The following NXPE2 variants were observed in gnomAD, a reference collection of about 807,000 sequenced individuals.
NXPE2 encodes neurexophilin and PC-esterase domain family member 2.
In NXPE2, 34 loss-of-function variants were observed where a neutral mutation model predicts 34.4. The ratio of observed to expected loss-of-function variants is 0.99; its 90% CI spans 0.75 to 1.31. The LOEUF (loss-of-function observed/expected upper bound fraction) is 1.31. Among genes scored for constraint, NXPE2 ranks in the 40% most tolerant of loss-of-function variants. The pLI is 0.00. For missense variants in NXPE2, 649 were observed against 672.5 expected, an observed-to-expected ratio of 0.97 and a Z score of 0.39; for synonymous variants, 235 against 231.3, an observed-to-expected ratio of 1.02 and a Z score of -0.15.
At chr11:114,635,141 G>A in the NXPE2 span, among the ~76,000 whole-genome samples, 9 of 150,708 alleles carry the variant, frequency 6.0e-5, no homozygotes, top group African/African-American at 2.2e-4. Context: ...TTATTTCCTT[G>A]AGCAGTGGTT....
intron 2 of NXPE2, among the ~76,000 whole-genome samples, chr11:114,685,766 A>G (rs1712819): frequency 1 from 152,090 of 152,274 alleles, 75,953 homozygotes; most frequent in Middle Eastern, 1. Flanking sequence ...TCCTCCTTCT[A>G]TGCCTAATTT....
At chr11:114,724,503 C>A in the NXPE2 span, among the ~76,000 whole-genome samples, 2 of 152,004 alleles carry the variant, frequency 1.3e-5, no homozygotes, top group Non-Finnish European at 2.9e-5. Context: ...ATTGTTTTTG[C>A]CATCTATTTT....
rs750739724 is a variant in NXPE2, at chr11:114,706,616, C to A, written c.1366C>A (p.Pro456Thr). 1.3e-5 allele frequency: 20 copies of A among 1,551,772 alleles called. No homozygotes were observed. In the South Asian group the frequency reaches 2.1e-4, roughly 17 times the overall value. The change falls in exon 6 of 6, where the codon CCC becomes ACC. Residue 456 changes from proline to threonine, a missense_variant. By Grantham distance (38) the Pro-to-Thr change is conservative. Coordinates refer to ENST00000389586, the MANE Select transcript of NXPE2 (RefSeq NM_182495.6). ...CATTACCCTCGGCCAACACTTCAGA[C>A]CCTTTCCCATCAACATTTTCATCCG... ...IVITLGQHFR[P>T]FPINIFIRRA...
the NXPE2 span, among the ~76,000 whole-genome samples, chr11:114,811,667 A>C: frequency 6.6e-6 from 1 of 152,162 alleles, no homozygotes; most frequent in African/African-American, 2.4e-5. Context: ...CAAACCCCAC[A>C]CTCAAGGGTG....
the NXPE2 span, among the ~76,000 whole-genome samples, chr11:114,652,896 T>A: frequency 6.6e-6 from 1 of 152,236 alleles, no homozygotes; most frequent in South Asian, 2.1e-4. Context: ...AATCACTTTT[T>A]CAAGTGAAGC....
At chr11:114,517,001 C>T in the NXPE2 span, among the ~76,000 whole-genome samples, 7 of 152,134 alleles carry the variant, frequency 4.6e-5, no homozygotes, top group Admixed American at 1.3e-4. Context: ...TCTATATCAT[C>T]GTTAATGAGG....
rs777387216 is a variant in NXPE2, at chr11:114,698,537, C to A, written c.625C>A (p.Gln209Lys). Residue 209 changes from glutamine (Q) to lysine (K), a missense_variant, in exon 3 of 6, where the codon CAA (glutamine) becomes AAA (lysine). By Grantham distance (53) the Gln-to-Lys change is moderately conservative. Coordinates refer to ENST00000389586, the MANE Select transcript of NXPE2 (RefSeq NM_182495.6). ...GVSALWRARN[Q>K]GCDRIIFTGL... Reference sequence around the variant, plus strand: ...ATCAGCTCTCTGGAGGGCAAGGAACCAAGGATGTGATAGGATCATCTTCAC... The same window carrying A: ...ATCAGCTCTCTGGAGGGCAAGGAACAAAGGATGTGATAGGATCATCTTCAC... 1.9e-6 allele frequency: 3 copies of A among 1,614,106 alleles called. No homozygotes were observed. The highest frequency in any genetic ancestry group is 2.5e-6 in the Non-Finnish European group (3 of 1,179,980).
chr11:114,484,022 A>C, the NXPE2 span, among the ~76,000 whole-genome samples: 1 of 152,092 alleles, frequency 6.6e-6, no homozygotes, highest in African/African-American at 2.4e-5. Context: ...CCTGTTTTCC[A>C]GTCAAGGGAA....
chr11:114,662,037 A>G, the NXPE2 span, among the ~76,000 whole-genome samples: 1 of 152,182 alleles, frequency 6.6e-6, no homozygotes, highest in East Asian at 1.9e-4. Context: ...CCCCGCAAGG[A>G]CACCAATTTA....
the NXPE2 span, among the ~76,000 whole-genome samples, chr11:114,588,696 A>G: frequency 2.0e-5 from 3 of 152,158 alleles, no homozygotes; most frequent in Admixed American, 1.3e-4. Context: ...TGGGGGGCCT[A>G]TGAAGAACTA....
the NXPE2 span, among the ~76,000 whole-genome samples, chr11:114,645,557 A>C: frequency 6.6e-6 from 1 of 152,200 alleles, no homozygotes; most frequent in Non-Finnish European, 1.5e-5. Flanking sequence ...TTTGAATTTC[A>C]GTGCAATAAA....
At chr11:114,600,753 C>A in the NXPE2 span, among the ~76,000 whole-genome samples, 1 of 151,846 alleles carries the variant, frequency 6.6e-6, no homozygotes, top group Non-Finnish European at 1.5e-5. Context: ...TACTAGTGTA[C>A]CAATGTTAAT....
At chr11:114,582,640 T>G in the NXPE2 span, 1 of 1,614,044 alleles carries the variant, frequency 6.2e-7, no homozygotes, top group Non-Finnish European at 8.5e-7. Flanking sequence ...TAGGTGCCGT[T>G]GTTGAAGTCA....
At chr11:114,613,265 C>T in the NXPE2 span, among the ~76,000 whole-genome samples, 3 of 151,936 alleles carry the variant, frequency 2.0e-5, no homozygotes, top group African/African-American at 7.2e-5. Flanking sequence ...TAAGCATTGC[C>T]TCACAGGTAA....
At chr11:114,542,060 A>G in the NXPE2 span, among the ~76,000 whole-genome samples, 2 of 152,032 alleles carry the variant, frequency 1.3e-5, no homozygotes, top group Non-Finnish European at 1.5e-5. Flanking sequence ...GACTGTTCCC[A>G]CTTTTGTATG....
the NXPE2 span, among the ~76,000 whole-genome samples, chr11:114,658,904 A>G: frequency 6.6e-6 from 1 of 152,186 alleles, no homozygotes; most frequent in Non-Finnish European, 1.5e-5. Flanking sequence ...GTAGAAAGCA[A>G]CAGCAATCTA....
At chr11:114,485,492 A>G in the NXPE2 span, among the ~76,000 whole-genome samples, 9 of 148,434 alleles carry the variant, frequency 6.1e-5, no homozygotes, top group South Asian at 2.1e-4. Flanking sequence ...GGCCTCCCAA[A>G]GTGTTGGGAT....
the NXPE2 span, chr11:114,512,813 G>A: frequency 2.7e-4 from 50 of 188,304 alleles, no homozygotes; most frequent in Non-Finnish European, 4.3e-4. Flanking sequence ...GCCTCTCAGG[G>A]AACACGTTGA....
At chr11:114,494,160 T>A in the NXPE2 span, among the ~76,000 whole-genome samples, 3 of 152,202 alleles carry the variant, frequency 2.0e-5, no homozygotes, top group African/African-American at 7.2e-5. Context: ...GGTTTGATTA[T>A]TAAATGCGTT....
Sources: gnomAD v4.1 joint callset for allele counts (sites outside exome capture counted in the v4.1 genomes callset) on GRCh38, gnomAD v4.1.1 for gene constraint, MANE v1.5 for transcripts, NCBI Gene and HGNC (gene_info 2026-07-23, HGNC 2026-07-21) for gene names.